Variants in PCDH7 observed in about 807,000 individuals in gnomAD.
PCDH7 encodes the protein protocadherin 7.
A neutral mutation model predicts 58.9 loss-of-function variants in PCDH7; 17 were observed. That is an observed-to-expected ratio of 0.29 (90% CI 0.20 to 0.43). The LOEUF (loss-of-function observed/expected upper bound fraction) is 0.43. PCDH7 is among the 20% of genes least tolerant of loss of function. The pLI, the probability that PCDH7 is intolerant of heterozygous loss-of-function variation, is 1.00. For synonymous variants in PCDH7, 664 were observed against 616.4 expected, an observed-to-expected ratio of 1.08 and a Z score of -1.14; for missense variants, 1,274 against 1,441.0, an observed-to-expected ratio of 0.88 and a Z score of 1.88.
At chr4:31,018,200 T>A (rs1038352487) in intron 3 of PCDH7, among the ~76,000 whole-genome samples, 25 of 152,284 alleles carry the variant, frequency 1.6e-4, no homozygotes, top group Admixed American at 1.6e-3. Flanking sequence ...ATATGTTTAG[T>A]CTGACTTGAG....
chr4:30,957,514 G>A (rs1295588599), intron 3 of PCDH7, among the ~76,000 whole-genome samples: 1 of 152,128 alleles, frequency 6.6e-6, no homozygotes, highest in Non-Finnish European at 1.5e-5. Flanking sequence ...GTGAGGATAA[G>A]CTTGGCCGAA....
intron 2 of PCDH7, among the ~76,000 whole-genome samples, chr4:30,948,868 G>A (rs549918362): frequency 6.6e-6 from 1 of 152,226 alleles, no homozygotes; most frequent in African/African-American, 2.4e-5. Flanking sequence ...AAGACCAGAG[G>A]AGTTGAAAAC....
At chr4:30,903,569 T>C (rs575012362) in intron 1 of PCDH7, among the ~76,000 whole-genome samples, 3 of 152,230 alleles carry the variant, frequency 2.0e-5, no homozygotes, top group East Asian at 1.9e-4. Flanking sequence ...CTGTTTCACT[T>C]ATAAAGATCT....
chr4:30,907,359 G>A (rs1298442848), intron 1 of PCDH7, among the ~76,000 whole-genome samples: 2 of 152,028 alleles, frequency 1.3e-5, no homozygotes, highest in African/African-American at 2.4e-5. Flanking sequence ...TCTACCCATC[G>A]ACAAAGGGCT....
chr4:30,791,455 G>A (rs189639868), intron 1 of PCDH7, among the ~76,000 whole-genome samples: 24 of 152,234 alleles, frequency 1.6e-4, no homozygotes, highest in African/African-American at 5.5e-4. Flanking sequence ...TTCAATAAAT[G>A]CCAGCAATTA....
intron 1 of PCDH7, among the ~76,000 whole-genome samples, chr4:30,898,619 C>A (rs1007745455): frequency 2.6e-5 from 4 of 152,164 alleles, no homozygotes; most frequent in South Asian, 4.1e-4. Flanking sequence ...GAAAGGAAAT[C>A]TTGCTCTGTC....
chr4:30,939,294 G>A (rs1365778144), intron 2 of PCDH7, among the ~76,000 whole-genome samples: 5 of 152,034 alleles, frequency 3.3e-5, no homozygotes, highest in African/African-American at 1.2e-4. Flanking sequence ...GGTATATTAG[G>A]CTTTTCATGC....
chr4:31,132,955 A>AT (rs1275410243), intron 3 of PCDH7, among the ~76,000 whole-genome samples: 4 of 152,186 alleles, frequency 2.6e-5, no homozygotes, highest in Non-Finnish European at 4.4e-5. Context: ...GATTATTAGG[A>AT]TTTTTGGATT....
At position 30,721,167 on chromosome 4, in the gene PCDH7, A is replaced by G. The variant is rs1374319415; in HGVS notation, c.-256A>G. Reference sequence around the variant, plus strand: ...GGCGGCAGGCGAGCGGGCGATTAGCACCCATTGCATGAATTATGAAACAAT... The same window carrying G: ...GGCGGCAGGCGAGCGGGCGATTAGCGCCCATTGCATGAATTATGAAACAAT... On this transcript the variant is annotated 5_prime_UTR_variant, in exon 1 of 2. Coordinates refer to ENST00000361762, the Ensembl canonical transcript of PCDH7. This position sits in a 1 kb window ranked among gnomAD's most constrained non-coding sequence, Gnocchi z 6.7. 5 of 499,562 alleles carry G rather than the reference A, an allele frequency of 1.0e-5. No individual in the cohort carries two copies. The East Asian group carries it at 1.7e-4, about 17-fold the overall frequency. 30.9% of individuals were successfully genotyped at this position (499,562 alleles called of 1,614,324 possible).
At chr4:31,017,320 T>A (rs1271604818) in intron 3 of PCDH7, among the ~76,000 whole-genome samples, 2 of 152,198 alleles carry the variant, frequency 1.3e-5, no homozygotes, top group Admixed American at 1.3e-4. Context: ...AAAAATAATT[T>A]ACATCCATTT....
At chr4:31,025,064 A>T (rs1398084891) in intron 3 of PCDH7, among the ~76,000 whole-genome samples, 1 of 152,136 alleles carries the variant, frequency 6.6e-6, no homozygotes, top group Non-Finnish European at 1.5e-5. Flanking sequence ...TTAAATGTTT[A>T]AAAGTTATTC....
chr4:31,072,373 G>A (rs1758617162), intron 3 of PCDH7, among the ~76,000 whole-genome samples: 1 of 152,046 alleles, frequency 6.6e-6, no homozygotes, highest in Non-Finnish European at 1.5e-5. Context: ...GCCTGTAAAT[G>A]TATAGATGTG....
rs1753420102 is a variant in PCDH7, at chr4:31,014,049, AT to A, written c.*7+63838del. Among the ~76,000 whole-genome samples the A allele has an allele frequency of 2.0e-5, 3 of 152,126 alleles. No homozygotes were observed. In the South Asian group the frequency reaches 6.2e-4, roughly 31 times the overall value. ...GGAATAAAATAGACAAATAATTATG[AT>A]TTTGGGGATAGTAAATTTATTTTCA... On this transcript the variant is annotated intron_variant, in intron 3 of 3. Coordinates refer to the PCDH7 transcript ENST00000509759.
intron 3 of PCDH7, among the ~76,000 whole-genome samples, chr4:31,094,093 C>G (rs1284029718): frequency 1.3e-5 from 2 of 152,096 alleles, no homozygotes; most frequent in South Asian, 4.1e-4. Context: ...ATAACACTTG[C>G]CTCTTTGATA....
At chr4:30,781,748 C>G (rs1459540661) in intron 1 of PCDH7, among the ~76,000 whole-genome samples, 1 of 151,800 alleles carries the variant, frequency 6.6e-6, no homozygotes, top group Non-Finnish European at 1.5e-5. Flanking sequence ...GTTGGGCAGA[C>G]TTGTCTTGAA....
intron 1 of PCDH7, among the ~76,000 whole-genome samples, chr4:30,918,693 T>C (rs1742792409): frequency 6.6e-6 from 1 of 152,130 alleles, no homozygotes; most frequent in South Asian, 2.1e-4. Context: ...ATTCAACTAT[T>C]CTGATTTTGA....
chr4:31,095,684 T>A (rs1488602578), intron 3 of PCDH7, among the ~76,000 whole-genome samples: 1 of 151,844 alleles, frequency 6.6e-6, no homozygotes, highest in Admixed American at 6.6e-5. Flanking sequence ...GGCTTGGGAG[T>A]GGAGTATTTA....
intron 1 of PCDH7, among the ~76,000 whole-genome samples, chr4:30,759,003 G>A (rs930753553): frequency 3.5e-5 from 5 of 142,954 alleles, no homozygotes; most frequent in African/African-American, 1.1e-4. Context: ...GTGCAGTGAC[G>A]TGATCGCGGC....
intron 3 of PCDH7, among the ~76,000 whole-genome samples, chr4:31,105,152 A>T (rs1228506980): frequency 6.6e-6 from 1 of 152,230 alleles, no homozygotes; most frequent in Non-Finnish European, 1.5e-5. Context: ...TGATGTGTTC[A>T]TTCTCACTGA....
Sources: gnomAD v4.1 joint callset for allele counts (sites outside exome capture counted in the v4.1 genomes callset) on GRCh38, gnomAD v4.1.1 for gene constraint, Gnocchi (gnomAD v3.1) non-coding constraint, MANE v1.5 for transcripts, NCBI Gene and HGNC (gene_info 2026-07-23, HGNC 2026-07-21) for gene names.